The following RUNX1 variants were observed in gnomAD, a reference collection of about 807,000 sequenced individuals.
RUNX1 encodes the protein RUNX family transcription factor 1.
RUNX1 carries 19 observed loss-of-function variants against 42.8 expected under a neutral mutation model. The ratio of observed to expected loss-of-function variants is 0.44; its 90% CI spans 0.31 to 0.65. The LOEUF (loss-of-function observed/expected upper bound fraction) is 0.65. RUNX1 is among the 30% of genes least tolerant of loss of function. RUNX1 has a pLI of 0.07. For synonymous variants in RUNX1, 271 were observed against 289.4 expected (o/e 0.94, Z 0.64); for missense variants, 528 against 672.0 (o/e 0.79, Z 2.37).
At chr21:34,994,270 T>C (rs1424175880) in intron 2 of RUNX1, among the ~76,000 whole-genome samples, 1 of 152,022 alleles carries the variant, frequency 6.6e-6, no homozygotes, top group East Asian at 1.9e-4. Context: ...TTTTCTAAAC[T>C]GGGAAGGAGG....
intron 2 of RUNX1, among the ~76,000 whole-genome samples, chr21:35,004,783 A>G (rs73900770): frequency 6.6e-6 from 1 of 152,164 alleles, no homozygotes; most frequent in Non-Finnish European, 1.5e-5. Context: ...CTTTAAGTTC[A>G]GACCTTCCCT....
At chr21:34,825,387 T>G (rs920419713) in intron 7 of RUNX1, among the ~76,000 whole-genome samples, 7 of 152,182 alleles carry the variant, frequency 4.6e-5, no homozygotes, top group Non-Finnish European at 1.0e-4. Context: ...GGACCTCTGA[T>G]TCCATCGGTA....
At chr21:34,981,864 G>T (rs1251236782) in intron 2 of RUNX1, among the ~76,000 whole-genome samples, 1 of 152,032 alleles carries the variant, frequency 6.6e-6, no homozygotes, top group Non-Finnish European at 1.5e-5. Context: ...CGGTCTTTCT[G>T]TATCTGTAGG....
In RUNX1 at chr21:34,947,935, G is replaced by A. The variant is rs77730926; in HGVS notation, c.59-54972C>T. Among the ~76,000 whole-genome samples the A allele has an allele frequency of 6.4e-3, 967 of 152,180 alleles. 8 individuals are homozygous for A. The highest frequency in any genetic ancestry group is 0.031 in the South Asian group (149 of 4,826). On this transcript the variant is annotated intron_variant, in intron 2 of 8. Transcript: ENST00000675419. ...TGCAGGCCTCTGAGTTCAGTCCTCC[G>A]AGGACATTTCACCTTCTTTGCTCTC...
chr21:34,797,796 C>T (rs908071438), intron 8 of RUNX1, among the ~76,000 whole-genome samples: 11 of 152,264 alleles, frequency 7.2e-5, no homozygotes, highest in African/African-American at 2.2e-4. Context: ...CTGTACCACC[C>T]AAGAACACTG....
intron 7 of RUNX1, among the ~76,000 whole-genome samples, chr21:34,805,054 G>C (rs773340170): frequency 8.6e-5 from 13 of 152,014 alleles, no homozygotes; most frequent in South Asian, 2.1e-4. Flanking sequence ...TGCCCAGCCT[G>C]AAACTCTTAA....
intron 7 of RUNX1, chr21:34,821,457 A>G (rs754209333): frequency 7.2e-7 from 1 of 1,387,062 alleles, no homozygotes; most frequent in African/African-American, 1.4e-5. Context: ...AATCCTCACA[A>G]TTGTCCCATG....
At chr21:35,022,360 C>T (rs1601682794) in intron 2 of RUNX1, among the ~76,000 whole-genome samples, 2 of 152,286 alleles carry the variant, frequency 1.3e-5, no homozygotes, top group South Asian at 2.1e-4. Flanking sequence ...GCCTGCGCCC[C>T]GCAGGAGTGC....
At chr21:34,845,624 C>G (rs1032002658) in intron 6 of RUNX1, among the ~76,000 whole-genome samples, 9 of 152,206 alleles carry the variant, frequency 5.9e-5, no homozygotes, top group African/African-American at 2.2e-4. Flanking sequence ...GACCTCAGCT[C>G]AGGGAGACAG....
chr21:34,946,649 G>T (rs911008921), intron 2 of RUNX1, among the ~76,000 whole-genome samples: 1 of 152,216 alleles, frequency 6.6e-6, no homozygotes, highest in Non-Finnish European at 1.5e-5. Context: ...GGAAGTGGCT[G>T]CTGGGGGCAG....
At chr21:34,827,432 AAG>A (rs2057003383) in intron 7 of RUNX1, among the ~76,000 whole-genome samples, 4 of 152,354 alleles carry the variant, frequency 2.6e-5, no homozygotes, top group African/African-American at 9.6e-5. Context: ...GTGTATTTGG[AAG>A]AGAGTACTAA....
chr21:34,878,394 T>C (rs1318458473), intron 5 of RUNX1, among the ~76,000 whole-genome samples: 1 of 150,504 alleles, frequency 6.6e-6, no homozygotes, highest in East Asian at 1.9e-4. Flanking sequence ...CACATATATA[T>C]ATACATCTCA....
At chr21:34,920,600 T>G (rs377092344) in intron 2 of RUNX1, among the ~76,000 whole-genome samples, 4 of 152,334 alleles carry the variant, frequency 2.6e-5, no homozygotes. Flanking sequence ...ACTTTTAGAT[T>G]GTTAAGGAAC....
intron 1 of RUNX1, 95 bp from the exon 2 acceptor site, chr21:35,049,053 A>C: frequency 1.4e-6 from 1 of 740,434 alleles, no homozygotes; most frequent in Non-Finnish European, 2.5e-6. Flanking sequence ...TACCTCTGGG[A>C]CTCCCCAAGC....
At chr21:34,963,527 A>C (rs997398700) in intron 2 of RUNX1, among the ~76,000 whole-genome samples, 1 of 152,204 alleles carries the variant, frequency 6.6e-6, no homozygotes, top group African/African-American at 2.4e-5. Flanking sequence ...TTGCACTCAG[A>C]GGTTCAACAT....
intron 2 of RUNX1, among the ~76,000 whole-genome samples, chr21:34,910,384 T>G (rs1399181998): frequency 1.6e-5 from 2 of 128,380 alleles, no homozygotes; most frequent in East Asian, 4.1e-4. Flanking sequence ...TTCAGAACTG[T>G]TTTTTTTTTT....
At chr21:34,971,224 A>G (rs1473789990) in intron 2 of RUNX1, among the ~76,000 whole-genome samples, 1 of 152,196 alleles carries the variant, frequency 6.6e-6, no homozygotes, top group African/African-American at 2.4e-5. Flanking sequence ...TTTTTTATCA[A>G]AGAAGATTTT....
intron 2 of RUNX1, among the ~76,000 whole-genome samples, chr21:34,996,592 G>A (rs564695085): frequency 4.0e-5 from 6 of 151,706 alleles, no homozygotes; most frequent in South Asian, 2.1e-4. Flanking sequence ...GAACAGTGTC[G>A]ACATTTTAAA....
At chr21:35,009,795 G>C (rs1430075395) in intron 2 of RUNX1, among the ~76,000 whole-genome samples, 1 of 152,198 alleles carries the variant, frequency 6.6e-6, no homozygotes, top group African/African-American at 2.4e-5. Flanking sequence ...CTTAAAGGGT[G>C]ACTCTAATTT....
Sources: allele counts gnomAD v4.1 joint callset (sites outside exome capture counted in the v4.1 genomes callset), GRCh38; gene constraint gnomAD v4.1.1; transcripts MANE v1.5; gene names NCBI Gene and HGNC (gene_info 2026-07-23, HGNC 2026-07-21).